Variants in SNX19 observed in about 807,000 individuals in gnomAD.
SNX19 encodes sorting nexin-19.
SNX19 carries 60 observed loss-of-function variants against 85.2 expected under a neutral mutation model. The ratio of observed to expected loss-of-function variants is 0.70; its 90% CI spans 0.57 to 0.87. SNX19 has a LOEUF of 0.87. SNX19 is among the 40% of genes least tolerant of loss of function. The probability of loss-of-function intolerance (pLI) is 0.00; values close to 1 mark genes in which losing one functional copy is unlikely to be tolerated. For missense variants in SNX19, 1,201 were observed against 1,217.8 expected (o/e 0.99, Z 0.21); for synonymous variants, 520 against 470.0 (o/e 1.11, Z -1.38).
rs3751040 is a variant in SNX19, at chr11:130,903,164, C to T, written c.2573+91G>A. 21,581 of 1,547,308 alleles carry T rather than the reference C, an allele frequency of 0.014. 1,683 individuals are homozygous for T. In the African/African-American group the frequency reaches 0.2, roughly 14 times the overall value. ...GTAACAGAGAATCTATCTTCTCTTACGGCTGCAGATTCCCTGGACACTATT... is the reference window on the plus strand; with the variant it reads ...GTAACAGAGAATCTATCTTCTCTTATGGCTGCAGATTCCCTGGACACTATT... On this transcript the variant is annotated intron_variant, in intron 8 of 10. Transcript: ENST00000265909.
Position 130,915,189 on chromosome 11 carries a change from T to C in SNX19, c.751A>G (p.Ile251Val), listed in dbSNP as rs1460552890. The C allele has an allele frequency of 6.2e-7, 1 of 1,614,200 alleles. No individual in the cohort carries two copies. The highest frequency in any genetic ancestry group is 1.7e-5 in the Admixed American group (1 of 60,026). Residue 251 changes from isoleucine (I) to valine (V), a missense_variant, in exon 1 of 11, where the codon ATC becomes GTC. Ile to Val is a conservative substitution (Grantham distance 29). Around this residue, in one of 3 missense-constraint regions of SNX19, gnomAD observed 791 missense variants for 750.9 expected, o/e 1.05. Transcript: ENST00000265909. ...LITCNVILPL[I>V]SRLSDPDWIH... Reference sequence around the variant, plus strand: ...CAGTCAGGATCTGACAGCCTGCTGATCAGTGGTAAGATTACATTGCATGTG... The same window carrying C: ...CAGTCAGGATCTGACAGCCTGCTGACCAGTGGTAAGATTACATTGCATGTG...
chr11:130,900,496 G>A (rs1288527698), intron 8 of SNX19, among the ~76,000 whole-genome samples: 1 of 152,130 alleles, frequency 6.6e-6, no homozygotes, highest in Non-Finnish European at 1.5e-5. Context: ...ACATGAAAAA[G>A]TACTTCTGTG....
At position 130,902,298 on chromosome 11, in the gene SNX19, A is replaced by C. The variant is rs139885323; in HGVS notation, c.2573+957T>G. On this transcript the variant is annotated intron_variant, in intron 8 of 10. Transcript: ENST00000265909. Reference sequence around the variant, plus strand: ...ATATAGATGTGCATCATCTTCTTTCACTTGGTCTCTTTATGATTCAATTTT... The same window carrying C: ...ATATAGATGTGCATCATCTTCTTTCCCTTGGTCTCTTTATGATTCAATTTT... Among the ~76,000 whole-genome samples the C allele has an allele frequency of 4.9e-3, 739 of 152,328 alleles. 9 individuals are homozygous for C. Among genetic ancestry groups the C allele is most frequent in the African/African-American group, 0.017 (694 of 41,574 alleles).
rs1943246744 is a variant in SNX19, at chr11:130,876,323, T to A, written c.*2099A>T. The A allele has an allele frequency of 6.6e-6, 1 of 152,248 alleles. No homozygotes were observed. 9.4% of individuals were successfully genotyped at this position (152,248 alleles called of 1,614,324 possible). A position where few individuals can be genotyped will look rare whatever the true frequency, so the allele number is the denominator to read the frequency against. On this transcript the variant is annotated 3_prime_UTR_variant, in exon 11 of 11. Coordinates refer to ENST00000265909, the MANE Select transcript of SNX19 (RefSeq NM_014758.3). The stretch of plus-strand genomic sequence containing the variant: ...CAGGTCGTTTTCAAAGCCAGATGAG[T>A]TCTGATTGTTCCCTTGGCAATATCC...
rs762016077 is a variant in SNX19, at chr11:130,903,364, C to G, written c.2464G>C (p.Asp822His). The G allele has an allele frequency of 1.2e-6, 2 of 1,612,652 alleles. No individual in the cohort carries two copies. Residue 822 changes from aspartate to histidine, a missense_variant, in exon 8 of 11, where the codon GAC (aspartate) becomes CAC (histidine). By Grantham distance (81) the Asp-to-His change is moderately conservative. This residue lies in a region of SNX19 where 285 missense variants were observed against 295.3 expected (regional missense o/e 0.97). Transcript: ENST00000265909. Reference protein sequence around the residue: ...SDPGTETELADTALDLLLLLL... With the variant: ...SDPGTETELAHTALDLLLLLL... ...AAGAGGAGCAGATCCAGGGCTGTGT[C>G]AGCTAACTCTGTCTCTGTTCCTGAG...
chr11:130,896,865 G>A (rs1257332166), intron 8 of SNX19, among the ~76,000 whole-genome samples: 24 of 152,018 alleles, frequency 1.6e-4, no homozygotes, highest in Admixed American at 1.6e-3. Context: ...AATAACCAAT[G>A]TCACAAAGAA....
Position 130,915,183 on chromosome 11 carries a change from T to C in SNX19, c.757A>G (p.Arg253Gly), listed in dbSNP as rs1478907923. ...TGGATCCAGTCAGGATCTGACAGCC[T>C]GCTGATCAGTGGTAAGATTACATTG... is the stretch of plus-strand genomic sequence containing the variant. ...TCNVILPLIS[R>G]LSDPDWIHLV... The change falls in exon 1 of 11, where the codon AGG becomes GGG. Residue 253 changes from arginine (R) to glycine (G), a missense_variant. By Grantham distance (125) the Arg-to-Gly change is moderately radical. This residue lies in a region of SNX19 where 791 missense variants were observed against 750.9 expected (regional missense o/e 1.05). Coordinates refer to ENST00000265909, the MANE Select transcript of SNX19 (RefSeq NM_014758.3). The C allele has an allele frequency of 6.2e-7, 1 of 1,614,196 alleles. No individual in the cohort carries two copies. The highest frequency in any genetic ancestry group is 1.3e-5 in the African/African-American group (1 of 75,060).
intron 8 of SNX19, among the ~76,000 whole-genome samples, chr11:130,899,389 A>C (rs1945101015): frequency 6.6e-6 from 1 of 152,180 alleles, no homozygotes; most frequent in Non-Finnish European, 1.5e-5. Flanking sequence ...AGATATCATG[A>C]CTTCTAGCTT....
chr11:130,903,178 C>T (rs1317442164), intron 8 of SNX19, 77 bp downstream of exon 8: 19 of 1,584,870 alleles, frequency 1.2e-5, no homozygotes, highest in Non-Finnish European at 1.5e-5. Flanking sequence ...TGCAGATTCC[C>T]TGGACACTAT....
At position 130,873,291 on chromosome 11, in the gene SNX19, C is replaced by T. The variant is rs987626054; in HGVS notation, c.*5131G>A. ...ATTGTCTACAACTGTTTTTACGCTACAGTGGAAAAGCTGAGTAGTTACAAC... is the reference window on the plus strand; with the variant it reads ...ATTGTCTACAACTGTTTTTACGCTATAGTGGAAAAGCTGAGTAGTTACAAC... On this transcript the variant is annotated 3_prime_UTR_variant, in exon 11 of 11. Transcript: ENST00000265909. Among the ~76,000 whole-genome samples the T allele has an allele frequency of 6.6e-6, 1 of 152,184 alleles. No homozygotes were observed. Among genetic ancestry groups the T allele is most frequent in the Non-Finnish European group, 1.5e-5 (1 of 68,030 alleles).
chr11:130,905,617 C>T (rs1435769795), intron 7 of SNX19: 11 of 1,424,176 alleles, frequency 7.7e-6, no homozygotes, highest in Non-Finnish European at 9.2e-6. Flanking sequence ...AACTGAGACA[C>T]TAAGGGAAGA....
In SNX19 at chr11:130,910,102, C is replaced by A. The variant is rs1945981686; in HGVS notation, c.1950G>T (p.Glu650Asp). The change falls in exon 4 of 11, where the codon GAG becomes GAT. Residue 650 changes from glutamate (E) to aspartate (D), a missense_variant. By Grantham distance (45) the Glu-to-Asp change is conservative. Around this residue, in one of 3 missense-constraint regions of SNX19, gnomAD observed 125 missense variants for 171.6 expected, o/e 0.73. Coordinates refer to ENST00000265909, the MANE Select transcript of SNX19 (RefSeq NM_014758.3). ...LCAIPEIANSEEVQEFLALNT... is the reference protein window; with the variant it reads ...LCAIPEIANSDEVQEFLALNT... ...TCAGAGCAAGGAACTCCTGCACCTC[C>A]TCACTGTTAGCGATCTCCGGAATGG... 1.2e-6 allele frequency: 2 copies of A among 1,614,038 alleles called. No individual in the cohort carries two copies. The highest frequency in any genetic ancestry group is 1.1e-5 in the South Asian group (1 of 91,082).
rs1475233881 is a variant in SNX19 at position 130,879,494 on chromosome 11, T to C, written c.2846+130A>G. ...TCTGGACGTCAAACTCTGTAGTCAG[T>C]GCCCAGAGCAAGTAAAGACTACAAT... On this transcript the variant is annotated intron_variant, in intron 10 of 10. Transcript: ENST00000265909. 1.5e-5 allele frequency: 11 copies of C among 725,992 alleles called. No homozygotes were observed. The Admixed American group carries it at 2.2e-4, about 14-fold the overall frequency. 45.0% of individuals were successfully genotyped at this position (725,992 alleles called of 1,614,324 possible).
At position 130,875,208 on chromosome 11, in the gene SNX19, G is replaced by A. The variant is rs554888039; in HGVS notation, c.*3214C>T. On this transcript the variant is annotated 3_prime_UTR_variant, in exon 11 of 11. Transcript: ENST00000265909. ...AGAAAATTCTGTCACATGCTGTAAC[G>A]TGGATGAACCTGGAGGACATTATGC... 1.3e-5 allele frequency among the ~76,000 whole-genome samples: 2 copies of A among 152,290 alleles called. No individual in the cohort carries two copies. Among genetic ancestry groups the A allele is most frequent in the African/African-American group, 2.4e-5 (1 of 41,562 alleles).
rs1284370201 is a variant in SNX19 at position 130,873,464 on chromosome 11, T to G, written c.*4958A>C. 6.6e-6 allele frequency among the ~76,000 whole-genome samples: 1 copy of G among 152,144 alleles called. No homozygotes were observed. Among genetic ancestry groups the G allele is most frequent in the African/African-American group, 2.4e-5 (1 of 41,446 alleles). On this transcript the variant is annotated 3_prime_UTR_variant, in exon 11 of 11. Coordinates refer to ENST00000265909, the MANE Select transcript of SNX19 (RefSeq NM_014758.3). ...AAGGTAGAAGGGCAGTTTAGTATAG[T>G]GGATATACTACGTAGACTCAGAGGC...
chr11:130,895,885 A>AGGCAG (rs1426933417), intron 8 of SNX19, among the ~76,000 whole-genome samples: 1 of 152,208 alleles, frequency 6.6e-6, no homozygotes, highest in Non-Finnish European at 1.5e-5. Flanking sequence ...GAAATATGAC[A>AGGCAG]GGCAGACCAC....
chr11:130,879,704 T>C lies in SNX19; in HGVS notation c.2766A>G (p.Val922=), dbSNP rs1462393764. 10 of 1,613,888 alleles carry C rather than the reference T, an allele frequency of 6.2e-6. No homozygotes were observed. Among genetic ancestry groups the C allele is most frequent in the Non-Finnish European group, 8.5e-6 (10 of 1,179,854 alleles). The change falls in exon 10 of 11, where the codon GTA becomes GTG. Residue 922 remains valine, a synonymous_variant. Transcript: ENST00000265909. ...QSLMGVLPDL[V]VEILGVNKCR... ...ATTTGTTCACCCCAAGAATTTCTAC[T>C]ACGAGATCTGAGGAGGAAAAAACAG...
At chr11:130,881,700 A>G (rs1439064832) in intron 8 of SNX19, among the ~76,000 whole-genome samples, 5 of 152,196 alleles carry the variant, frequency 3.3e-5, no homozygotes, top group Non-Finnish European at 5.9e-5. Context: ...CCTGAAGAGC[A>G]AGTCTCAAGT....
At position 130,871,902 on chromosome 11, in the gene SNX19, C is replaced by T. The variant is rs997742776; in HGVS notation, c.*6520G>A. On this transcript the variant is annotated 3_prime_UTR_variant, in exon 11 of 11. Coordinates refer to ENST00000265909, the MANE Select transcript of SNX19 (RefSeq NM_014758.3). ...ACTTTAATATTAAAATTAGCTTACA[C>T]TTCCTAAACAAACACTGACTGGTGA... Among the ~76,000 whole-genome samples, 4 of 152,196 alleles carry T rather than the reference C, an allele frequency of 2.6e-5. No homozygotes were observed. Among genetic ancestry groups the T allele is most frequent in the African/African-American group, 7.2e-5 (3 of 41,430 alleles).
Sources: gnomAD v4.1 joint callset for allele counts (sites outside exome capture counted in the v4.1 genomes callset) on GRCh38, gnomAD v4.1.1 for gene constraint, gnomAD v4.1.1 regional missense constraint, MANE v1.5 for transcripts, NCBI Gene and HGNC (gene_info 2026-07-23, HGNC 2026-07-21) for gene names.